The following NEGR1 variants were observed in gnomAD, a reference collection of about 807,000 sequenced individuals.
NEGR1 encodes IgLON family member 4.
Under a neutral mutation model 40.9 loss-of-function variants are expected in NEGR1, and 10 were observed. The observed-to-expected ratio is 0.24, with a 90% CI of 0.15 to 0.42. NEGR1 has a LOEUF of 0.42. Among genes scored for constraint, NEGR1 ranks in the 10% least tolerant of loss-of-function variants. NEGR1 has a pLI of 1.00. For synonymous variants in NEGR1, 185 were observed against 166.8 expected, an observed-to-expected ratio of 1.11 and a Z score of -0.84; for missense variants, 352 against 438.9, an observed-to-expected ratio of 0.80 and a Z score of 1.77.
At chr1:71,950,582 A>G (rs1412352649) in intron 1 of NEGR1, among the ~76,000 whole-genome samples, 1 of 151,992 alleles carries the variant, frequency 6.6e-6, no homozygotes, top group Non-Finnish European at 1.5e-5. Flanking sequence ...TGAAGCTGTC[A>G]AAATCTTTTA....
At chr1:72,038,953 A>G (rs1353577592) in intron 1 of NEGR1, among the ~76,000 whole-genome samples, 1 of 152,036 alleles carries the variant, frequency 6.6e-6, no homozygotes, top group African/African-American at 2.4e-5. Flanking sequence ...ATGAATATAA[A>G]CAAAATAAAA....
At chr1:72,097,340 A>T (rs1648741244) in intron 1 of NEGR1, among the ~76,000 whole-genome samples, 1 of 152,204 alleles carries the variant, frequency 6.6e-6, no homozygotes, top group South Asian at 2.1e-4. Context: ...CATATCTGAT[A>T]CACACATAAA....
chr1:71,412,363 G>A (rs1425166876), intron 6 of NEGR1, among the ~76,000 whole-genome samples: 1 of 152,012 alleles, frequency 6.6e-6, no homozygotes, highest in African/African-American at 2.4e-5. Flanking sequence ...TTTCCATGAG[G>A]CCATCCCCAA....
chr1:71,709,480 C>T (rs976722048), intron 3 of NEGR1, among the ~76,000 whole-genome samples: 1 of 151,972 alleles, frequency 6.6e-6, no homozygotes, highest in Non-Finnish European at 1.5e-5. Flanking sequence ...TACTACTGAG[C>T]TATAGTAACC....
intron 1 of NEGR1, among the ~76,000 whole-genome samples, chr1:72,226,603 A>G (rs1228529822): frequency 1.3e-5 from 2 of 152,128 alleles, no homozygotes; most frequent in East Asian, 3.9e-4. Flanking sequence ...TTACATTAAA[A>G]ATTTGATTCG....
chr1:72,100,057 C>T (rs1332498775), intron 1 of NEGR1, among the ~76,000 whole-genome samples: 2 of 151,936 alleles, frequency 1.3e-5, no homozygotes, highest in Non-Finnish European at 2.9e-5. Flanking sequence ...AACATAATGT[C>T]AAAAATAAAG....
intron 6 of NEGR1, among the ~76,000 whole-genome samples, chr1:71,454,020 T>C (rs896346471): frequency 1.3e-5 from 2 of 152,232 alleles, no homozygotes; most frequent in Non-Finnish European, 2.9e-5. Context: ...TGGTTTTACA[T>C]TTTTCTTCTC....
intron 4 of NEGR1, among the ~76,000 whole-genome samples, chr1:71,671,893 C>CTTTTTTTTTTT (rs10708807): frequency 8.2e-6 from 1 of 121,584 alleles, no homozygotes; most frequent in African/African-American, 2.9e-5. Flanking sequence ...CTCTCTCTCT[C>CTTTTTTTTTTT]TTTTTTTTTT....
intron 1 of NEGR1, among the ~76,000 whole-genome samples, chr1:72,062,307 T>C (rs1647191556): frequency 6.6e-6 from 1 of 151,866 alleles, no homozygotes. Flanking sequence ...CCTTCCAGAA[T>C]CCTCCAGGCA....
intron 4 of NEGR1, among the ~76,000 whole-genome samples, chr1:71,648,321 C>G (rs936536799): frequency 6.6e-6 from 1 of 151,694 alleles, no homozygotes; most frequent in Non-Finnish European, 1.5e-5. Flanking sequence ...CTAGCATGGC[C>G]CAGGAAACAA....
intron 2 of NEGR1, among the ~76,000 whole-genome samples, chr1:71,873,795 T>C (rs1189170789): frequency 2.6e-5 from 4 of 152,128 alleles, no homozygotes; most frequent in Admixed American, 6.6e-5. Context: ...ATTGCTATAG[T>C]TGAAAATGAG....
At chr1:72,000,153 A>G (rs1421328259) in intron 1 of NEGR1, among the ~76,000 whole-genome samples, 1 of 152,128 alleles carries the variant, frequency 6.6e-6, no homozygotes, top group East Asian at 1.9e-4. Flanking sequence ...TGAATATTTC[A>G]GAAAAGTCAT....
intron 4 of NEGR1, among the ~76,000 whole-genome samples, chr1:71,688,162 A>G (rs1454733479): frequency 6.6e-6 from 1 of 150,984 alleles, no homozygotes; most frequent in Non-Finnish European, 1.5e-5. Context: ...TGGCATACAC[A>G]AAGTTTAATG....
chr1:71,878,972 A>T (rs928993908), intron 2 of NEGR1, among the ~76,000 whole-genome samples: 4 of 152,148 alleles, frequency 2.6e-5, no homozygotes, highest in African/African-American at 9.7e-5. Context: ...CGTCTCTACT[A>T]AAAATATAAA....
chr1:71,943,837 T>C (rs1006146175), intron 1 of NEGR1, among the ~76,000 whole-genome samples: 1 of 152,130 alleles, frequency 6.6e-6, no homozygotes. Flanking sequence ...CATTTAACAC[T>C]CACAAAAACA....
chr1:71,823,806 G>C (rs1658518992), intron 2 of NEGR1, among the ~76,000 whole-genome samples: 1 of 152,070 alleles, frequency 6.6e-6, no homozygotes, highest in Non-Finnish European at 1.5e-5. Flanking sequence ...CCCATTTACT[G>C]CCTGCAGATT....
chr1:71,630,646 G>A (rs973687223), intron 4 of NEGR1, among the ~76,000 whole-genome samples: 2 of 151,804 alleles, frequency 1.3e-5, no homozygotes, highest in African/African-American at 4.8e-5. Flanking sequence ...GGTTTTGAGT[G>A]TGTGTTTGTG....
intron 4 of NEGR1, among the ~76,000 whole-genome samples, chr1:71,626,866 C>A (rs1296126232): frequency 4.6e-5 from 7 of 152,094 alleles, no homozygotes; most frequent in Admixed American, 3.3e-4. Flanking sequence ...CAAAAGAAGA[C>A]TTTATGCAGC....
chr1:71,803,722 C>T (rs1657645168), intron 2 of NEGR1, among the ~76,000 whole-genome samples: 1 of 151,970 alleles, frequency 6.6e-6, no homozygotes, highest in Non-Finnish European at 1.5e-5. Context: ...TTCTACCTTC[C>T]TTGATAAAAA....
Sources: gnomAD v4.1 joint callset for allele counts (sites outside exome capture counted in the v4.1 genomes callset) on GRCh38, gnomAD v4.1.1 for gene constraint, MANE v1.5 for transcripts, NCBI Gene and HGNC (gene_info 2026-07-23, HGNC 2026-07-21) for gene names.